CRYZ: variants seen among roughly 807,000 people sequenced by gnomAD.
CRYZ encodes the protein zeta-crystallin.
A neutral mutation model predicts 34.1 loss-of-function variants in CRYZ; 35 were observed. The observed-to-expected ratio is 1.03, with a 90% CI of 0.78 to 1.36. CRYZ has a LOEUF of 1.36. CRYZ is among the 40% of genes most tolerant of loss of function. The pLI is 0.00. For synonymous variants in CRYZ, 137 were observed against 136.5 expected (o/e 1.00, Z -0.03); for missense variants, 403 against 391.8 (o/e 1.03, Z -0.24).
At chr1:74,718,857 C>G (rs377129346) in intron 4 of CRYZ, among the ~76,000 whole-genome samples, 3 of 152,150 alleles carry the variant, frequency 2.0e-5, no homozygotes, top group South Asian at 2.1e-4. Flanking sequence ...CTAAGTCTTA[C>G]ACCTTGCCAG....
chr1:74,717,549 ACCCTGTGCCAG>A (rs1647094853), intron 4 of CRYZ, among the ~76,000 whole-genome samples: 1 of 152,114 alleles, frequency 6.6e-6, no homozygotes, highest in Non-Finnish European at 1.5e-5. Flanking sequence ...TTGCGCACTT[ACCCTGTGCCAG>A]CCCCGTACTA....
chr1:74,710,717 C>T (rs1235799120), intron 5 of CRYZ, among the ~76,000 whole-genome samples: 1 of 152,166 alleles, frequency 6.6e-6, no homozygotes, highest in African/African-American at 2.4e-5. Context: ...AGGCCTCCAC[C>T]ATTTAAGTAG....
intron 4 of CRYZ, among the ~76,000 whole-genome samples, chr1:74,715,682 G>T (rs1416113869): frequency 6.6e-6 from 1 of 152,104 alleles, no homozygotes; most frequent in Non-Finnish European, 1.5e-5. Flanking sequence ...TATGGGATAT[G>T]AAATACCTCC....
intron 6 of CRYZ, among the ~76,000 whole-genome samples, chr1:74,709,298 T>G (rs1646970356): frequency 6.6e-6 from 1 of 152,112 alleles, no homozygotes; most frequent in Non-Finnish European, 1.5e-5. Context: ...TAACGGGCCA[T>G]TTTTCATCTT....
At chr1:74,720,356 C>G (rs996031750) in intron 3 of CRYZ, among the ~76,000 whole-genome samples, 1 of 152,198 alleles carries the variant, frequency 6.6e-6, no homozygotes, top group Non-Finnish European at 1.5e-5. Context: ...ACCAGAAACA[C>G]AGTAAAGCCT....
chr1:74,714,718 CT>C lies in CRYZ; in HGVS notation c.429-89del, dbSNP rs1443494263. 15 of 1,328,384 alleles carry C rather than the reference CT, an allele frequency of 1.1e-5. No individual in the cohort carries two copies. In the African/African-American group the frequency reaches 1.2e-4, roughly 10 times the overall value. The allele number at this position is 1,328,384 out of a possible 1,614,324, so 82.3% of individuals were successfully genotyped here. On this transcript the variant is annotated intron_variant, in intron 4 of 8. Coordinates refer to ENST00000340866, the MANE Select transcript of CRYZ (RefSeq NM_001889.4). ...TCATCATCTTAAGGAATTTCTACCCCTAGTCTGGCTAACACTTACACAAACA... is the reference window on the plus strand; with the variant it reads ...TCATCATCTTAAGGAATTTCTACCCCAGTCTGGCTAACACTTACACAAACA...
intron 4 of CRYZ, among the ~76,000 whole-genome samples, chr1:74,715,899 A>T (rs1182521996): frequency 6.7e-6 from 1 of 150,252 alleles, no homozygotes; most frequent in Non-Finnish European, 1.5e-5. Flanking sequence ...ACTCTGTTAC[A>T]GAAACAGTGT....
intron 1 of CRYZ, among the ~76,000 whole-genome samples, chr1:74,727,149 G>A (rs1036891953): frequency 8.8e-5 from 11 of 124,994 alleles, no homozygotes; most frequent in Admixed American, 5.0e-4. Context: ...TTTCAAAGTC[G>A]CTTCCACATT....
chr1:74,718,576 T>A (rs1647108678), intron 4 of CRYZ, among the ~76,000 whole-genome samples: 1 of 152,144 alleles, frequency 6.6e-6, no homozygotes, highest in South Asian at 2.1e-4. Context: ...AAATCAAGTT[T>A]CTATAGCTGT....
At chr1:74,724,579 T>C (rs1647239134) in intron 2 of CRYZ, 132 bp downstream of exon 2, 1 of 602,010 alleles carries the variant, frequency 1.7e-6, no homozygotes, top group Non-Finnish European at 2.9e-6. Context: ...TGTCCATATG[T>C]ATACATAGTG....
chr1:74,706,526 A>AG, intron 8 of CRYZ, 69 bp from the exon 9 acceptor site: 1 of 1,389,380 alleles, frequency 7.2e-7, no homozygotes, highest in Admixed American at 2.3e-5. Flanking sequence ...AGCATTAAAA[A>AG]CACTTCAGAA....
At chr1:74,717,382 C>A (rs1000717276) in intron 4 of CRYZ, among the ~76,000 whole-genome samples, 7 of 152,144 alleles carry the variant, frequency 4.6e-5, no homozygotes, top group Admixed American at 1.3e-4. Flanking sequence ...CTCTTCCCAC[C>A]ATTCTATTGA....
intron 4 of CRYZ, among the ~76,000 whole-genome samples, chr1:74,717,286 C>G (rs1647090949): frequency 6.6e-6 from 1 of 152,140 alleles, no homozygotes; most frequent in African/African-American, 2.4e-5. Context: ...CTTCTACTCT[C>G]TCTTCCTTGT....
chr1:74,726,859 A>G (rs1647369599), intron 1 of CRYZ, among the ~76,000 whole-genome samples: 1 of 152,174 alleles, frequency 6.6e-6, no homozygotes, highest in African/African-American at 2.4e-5. Flanking sequence ...AAATTTCTTC[A>G]GCCAGATACC....
chr1:74,727,520 T>TACTC (rs1289287372), intron 1 of CRYZ, among the ~76,000 whole-genome samples: 4 of 145,942 alleles, frequency 2.7e-5, no homozygotes, highest in Non-Finnish European at 6.0e-5. Flanking sequence ...TAGTCCCAGC[T>TACTC]ACTCAGGAGG....
chr1:74,724,899 C>T, intron 1 of CRYZ, 65 bp from the exon 2 acceptor site: 2 of 916,874 alleles, frequency 2.2e-6, no homozygotes, highest in Non-Finnish European at 3.4e-6. Flanking sequence ...GTTTTTCCCC[C>T]CTGGAGGGAG....
intron 2 of CRYZ, 42 bp downstream of exon 2, chr1:74,724,669 C>G: frequency 8.3e-7 from 1 of 1,205,818 alleles, no homozygotes; most frequent in Non-Finnish European, 1.2e-6. Flanking sequence ...GAGACTCACA[C>G]TCAGTATAAT....
At chr1:74,728,900 A>G (rs1333121210) in intron 1 of CRYZ, among the ~76,000 whole-genome samples, 1 of 152,220 alleles carries the variant, frequency 6.6e-6, no homozygotes, top group Non-Finnish European at 1.5e-5. Flanking sequence ...ACTGCACTTT[A>G]GAACAGCTTG....
At chr1:74,718,501 TGA>T (rs1196606128) in intron 4 of CRYZ, among the ~76,000 whole-genome samples, 3 of 152,298 alleles carry the variant, frequency 2.0e-5, no homozygotes, top group East Asian at 1.9e-4. Context: ...TAACATTTAT[TGA>T]GAGATTACTC....
Sources: gnomAD v4.1 joint callset for allele counts (sites outside exome capture counted in the v4.1 genomes callset) on GRCh38, gnomAD v4.1.1 for gene constraint, MANE v1.5 for transcripts, NCBI Gene and HGNC (gene_info 2026-07-23, HGNC 2026-07-21) for gene names.